The following CDH18 variants were observed in gnomAD, a reference collection of about 807,000 sequenced individuals.
CDH18 encodes cadherin 18, also known as cadherin-18.
In CDH18, 31 loss-of-function variants were observed where a neutral mutation model predicts 67.9. The observed-to-expected ratio is 0.46, with a 90% CI of 0.34 to 0.62. The LOEUF (loss-of-function observed/expected upper bound fraction) is 0.62, where lower values mean the gene tolerates loss of function less well. Ranked by LOEUF, CDH18 falls within the 20% of genes least tolerant of loss-of-function variation. The pLI is 0.01. For missense variants in CDH18, 890 were observed against 975.5 expected, an observed-to-expected ratio of 0.91 and a Z score of 1.17; for synonymous variants, 362 against 347.2, an observed-to-expected ratio of 1.04 and a Z score of -0.48.
rs554083318 is a variant in CDH18, at chr5:20,508,901, A to T, written c.-580+66561T>A. ...ATAATAGAAACTTAACTACCTAAAA[A>T]AGTCACACCCTCCTAATGTCTAGTG... On this transcript the variant is annotated intron_variant, in intron 1 of 14. Transcript: ENST00000507958. Among the ~76,000 whole-genome samples the T allele has an allele frequency of 9.2e-5, 14 of 152,250 alleles. No individual in the cohort carries two copies. The South Asian group carries it at 2.7e-3, about 29-fold the overall frequency.
intron 3 of CDH18, among the ~76,000 whole-genome samples, chr5:19,828,388 A>G (rs143295630): frequency 5.9e-5 from 9 of 152,280 alleles, no homozygotes; most frequent in African/African-American, 2.2e-4. Flanking sequence ...TCATCCTGAT[A>G]CAAAAATCTG....
In CDH18 at chr5:20,494,102, A is replaced by C. The variant is rs111915909; in HGVS notation, c.-580+81360T>G. ...CCATCTATACTAAAAACAAACAAGC[A>C]AACAAATAAAAACAAACAAACAGAC... On this transcript the variant is annotated intron_variant, in intron 1 of 14. Coordinates refer to the CDH18 transcript ENST00000507958. 1.8e-4 allele frequency among the ~76,000 whole-genome samples: 27 copies of C among 152,244 alleles called. 3 individuals are homozygous for C. The highest frequency in any genetic ancestry group is 6.3e-4 in the African/African-American group (26 of 41,556).
intron 2 of CDH18, among the ~76,000 whole-genome samples, chr5:20,167,723 G>C (rs1382111893): frequency 6.6e-6 from 1 of 152,130 alleles, no homozygotes; most frequent in East Asian, 1.9e-4. Flanking sequence ...AGGGAACAAG[G>C]TGGAGAAAGT....
chr5:20,530,753 C>T (rs2126552502), intron 1 of CDH18, among the ~76,000 whole-genome samples: 1 of 152,146 alleles, frequency 6.6e-6, no homozygotes, highest in South Asian at 2.1e-4. Context: ...GGATTAAAAA[C>T]TTAAATGTAA....
intron 2 of CDH18, among the ~76,000 whole-genome samples, chr5:20,248,728 A>T (rs1475785871): frequency 6.6e-6 from 1 of 152,226 alleles, no homozygotes. Context: ...ACTGCTTTGT[A>T]CTTAAAAATA....
chr5:19,712,670 CAT>C (rs1293614804), intron 5 of CDH18, among the ~76,000 whole-genome samples: 6 of 137,308 alleles, frequency 4.4e-5, no homozygotes, highest in African/African-American at 1.3e-4. Context: ...CACACACACA[CAT>C]ATTTATATAT....
chr5:20,465,924 T>C (rs897357694), intron 1 of CDH18, among the ~76,000 whole-genome samples: 3 of 152,056 alleles, frequency 2.0e-5, no homozygotes, highest in Non-Finnish European at 4.4e-5. Context: ...GTTGTTATCT[T>C]AACTAAGGTG....
intron 1 of CDH18, among the ~76,000 whole-genome samples, chr5:20,457,211 T>C (rs554907320): frequency 2.0e-5 from 3 of 152,154 alleles, no homozygotes; most frequent in African/African-American, 7.2e-5. Flanking sequence ...TAAAGAATAC[T>C]TTAAAGTTTT....
chr5:19,602,395 C>A (rs1318198613), intron 6 of CDH18, among the ~76,000 whole-genome samples: 1 of 151,636 alleles, frequency 6.6e-6, no homozygotes, highest in African/African-American at 2.4e-5. Context: ...CTGACAATGA[C>A]AAAATATTGT....
At chr5:19,644,700 G>T (rs1754481500) in intron 5 of CDH18, among the ~76,000 whole-genome samples, 1 of 152,116 alleles carries the variant, frequency 6.6e-6, no homozygotes, top group Non-Finnish European at 1.5e-5. Context: ...TTTGTTTTCT[G>T]TGCTGGGGCT....
At chr5:20,265,798 TGACTG>T (rs1224330230) in intron 1 of CDH18, among the ~76,000 whole-genome samples, 1 of 152,220 alleles carries the variant, frequency 6.6e-6, no homozygotes, top group Non-Finnish European at 1.5e-5. Flanking sequence ...TGTGCCAACT[TGACTG>T]GACTATGAGA....
chr5:19,735,973 T>G (rs1322604087), intron 4 of CDH18, among the ~76,000 whole-genome samples: 3 of 152,184 alleles, frequency 2.0e-5, no homozygotes, highest in African/African-American at 7.2e-5. Flanking sequence ...TTCAGGTAAT[T>G]TAATTGGAGG....
intron 1 of CDH18, among the ~76,000 whole-genome samples, chr5:20,567,483 A>G (rs2471116): frequency 0.041 from 6,250 of 151,222 alleles, 213 homozygotes; most frequent in East Asian, 0.16. Context: ...GCTGTAACCA[A>G]TGAGGTTTGG....
intron 2 of CDH18, among the ~76,000 whole-genome samples, chr5:19,843,197 A>C (rs577902951): frequency 6.6e-6 from 1 of 152,230 alleles, no homozygotes; most frequent in African/African-American, 2.4e-5. Context: ...CTCCCATCTA[A>C]GGCCCAGAGT....
chr5:19,717,930 G>T (rs144748240), intron 5 of CDH18, among the ~76,000 whole-genome samples: 1 of 151,794 alleles, frequency 6.6e-6, no homozygotes, highest in South Asian at 2.1e-4. Context: ...TTTGTCCTTT[G>T]TTGGTACACA....
chr5:20,567,307 C>T (rs988139734), intron 1 of CDH18, among the ~76,000 whole-genome samples: 1 of 152,146 alleles, frequency 6.6e-6, no homozygotes, highest in South Asian at 2.1e-4. Context: ...GTGACATAAA[C>T]TTTCAATTTA....
Position 20,421,377 on chromosome 5 carries a change from T to A in CDH18, c.-580+154085A>T, listed in dbSNP as rs149504128. 5.0e-4 allele frequency among the ~76,000 whole-genome samples: 76 copies of A among 150,636 alleles called. 7 individuals carry two copies. The highest frequency in any genetic ancestry group is 1.5e-3 in the African/African-American group (61 of 40,120). On this transcript the variant is annotated intron_variant, in intron 1 of 14. Coordinates refer to the CDH18 transcript ENST00000507958. ...AAAACAATCACTTGGTTTTTTTTTT[T>A]ATGCTCTTTCAGATGGAGGGAAGCC... is the stretch of plus-strand genomic sequence containing the variant.
chr5:19,683,102 ACT>A (rs1491221581), intron 5 of CDH18, among the ~76,000 whole-genome samples: 1,133 of 74,310 alleles, frequency 0.015, 15 homozygotes, highest in African/African-American at 0.035. Context: ...TCAACATATA[ACT>A]CTATCTATCT....
At chr5:20,420,348 T>C (rs531086373) in intron 1 of CDH18, among the ~76,000 whole-genome samples, 1 of 151,340 alleles carries the variant, frequency 6.6e-6, no homozygotes, top group African/African-American at 2.5e-5. Flanking sequence ...TAAGGACTTA[T>C]TCTTTATAGA....
Sources: allele counts gnomAD v4.1 joint callset (sites outside exome capture counted in the v4.1 genomes callset), GRCh38; gene constraint gnomAD v4.1.1; transcripts MANE v1.5; gene names NCBI Gene and HGNC (gene_info 2026-07-23, HGNC 2026-07-21).